Variants in POLR3B observed in about 807,000 individuals in gnomAD.
POLR3B encodes RNA polymerase III subunit B.
In POLR3B, 96 loss-of-function variants were observed where a neutral mutation model predicts 147.4. The observed-to-expected ratio is 0.65, with a 90% CI of 0.55 to 0.77. POLR3B has a LOEUF of 0.77. Ranked by LOEUF, POLR3B falls within the 30% of genes least tolerant of loss-of-function variation. The pLI is 0.00. For synonymous variants in POLR3B, 461 were observed against 485.9 expected (o/e 0.95, Z 0.67); for missense variants, 1,036 against 1,413.5 (o/e 0.73, Z 4.28).
chr12:106,376,591 T>C, intron 7 of POLR3B, 141 bp downstream of exon 7: 1 of 707,458 alleles, frequency 1.4e-6, no homozygotes, highest in Non-Finnish European at 2.5e-6. Flanking sequence ...CAGAAATTTG[T>C]CTCTAGCTTT....
intron 18 of POLR3B, among the ~76,000 whole-genome samples, chr12:106,442,887 C>T (rs1207027465): frequency 6.6e-6 from 1 of 152,124 alleles, no homozygotes; most frequent in Non-Finnish European, 1.5e-5. Context: ...ATTAACACAT[C>T]TGAGTAGCTT....
At chr12:106,464,165 T>C (rs2037975720) in intron 23 of POLR3B, among the ~76,000 whole-genome samples, 1 of 152,204 alleles carries the variant, frequency 6.6e-6, no homozygotes. Context: ...TTTGTGTGTG[T>C]CTTACATCTA....
intron 6 of POLR3B, among the ~76,000 whole-genome samples, chr12:106,372,725 C>T (rs1318367628): frequency 6.6e-6 from 1 of 152,126 alleles, no homozygotes; most frequent in Non-Finnish European, 1.5e-5. Context: ...TCCTGATATA[C>T]GGGATGTGGC....
chr12:106,429,297 G>A (rs979307366), intron 13 of POLR3B, among the ~76,000 whole-genome samples: 1 of 152,040 alleles, frequency 6.6e-6, no homozygotes, highest in Non-Finnish European at 1.5e-5. Flanking sequence ...GCACCACCAC[G>A]CCCAGCTAGT....
chr12:106,463,299 G>A (rs940360959), intron 22 of POLR3B, among the ~76,000 whole-genome samples, 179 bp from the exon 23 acceptor site: 2 of 152,088 alleles, frequency 1.3e-5, no homozygotes, highest in Non-Finnish European at 2.9e-5. Flanking sequence ...GTGTAGCATT[G>A]TAAAAGGGAA....
intron 12 of POLR3B, among the ~76,000 whole-genome samples, chr12:106,425,816 C>A (rs1336751400): frequency 1.3e-5 from 2 of 152,136 alleles, no homozygotes; most frequent in South Asian, 4.1e-4. Flanking sequence ...CCTAACTTTT[C>A]TTTAAAGTTT....
At chr12:106,461,090 A>G (rs73186475) in intron 22 of POLR3B, among the ~76,000 whole-genome samples, 12,960 of 151,946 alleles carry the variant, frequency 0.085, 612 homozygotes, top group Middle Eastern at 0.13. Context: ...TGTTTCATTC[A>G]AGAAATACTT....
chr12:106,359,167 A>G (rs926228151), intron 1 of POLR3B, among the ~76,000 whole-genome samples: 9 of 152,104 alleles, frequency 5.9e-5, no homozygotes, highest in African/African-American at 2.2e-4. Flanking sequence ...GTGAGCCGTA[A>G]TTGTGCTGCT....
At chr12:106,503,112 GA>G (rs765258039) in intron 26 of POLR3B, among the ~76,000 whole-genome samples, 13 of 152,176 alleles carry the variant, frequency 8.5e-5, no homozygotes, top group Non-Finnish European at 1.6e-4. Context: ...TCTACCGGCA[GA>G]TAAAAATGTA....
intron 12 of POLR3B, among the ~76,000 whole-genome samples, chr12:106,417,399 C>T (rs2037318965): frequency 6.6e-6 from 1 of 152,108 alleles, no homozygotes; most frequent in Non-Finnish European, 1.5e-5. Flanking sequence ...CCCTGTGTGC[C>T]ATGGGAAGAG....
intron 9 of POLR3B, among the ~76,000 whole-genome samples, chr12:106,382,636 T>C (rs756667582): frequency 6.6e-6 from 1 of 152,348 alleles, no homozygotes; most frequent in Non-Finnish European, 1.5e-5. Flanking sequence ...GTAATGTTTT[T>C]AAAGGATCTT....
At chr12:106,372,098 C>T (rs2036615302) in intron 6 of POLR3B, among the ~76,000 whole-genome samples, 1 of 152,048 alleles carries the variant, frequency 6.6e-6, no homozygotes, top group Non-Finnish European at 1.5e-5. Flanking sequence ...TATGCATTAC[C>T]TAAATTACAT....
chr12:106,378,508 C>G, intron 8 of POLR3B, 124 bp downstream of exon 8: 1 of 650,596 alleles, frequency 1.5e-6, no homozygotes, highest in Non-Finnish European at 2.8e-6. Flanking sequence ...AATATTTAAG[C>G]TATCTGCATT....
At chr12:106,488,669 A>T (rs1325094387) in intron 23 of POLR3B, among the ~76,000 whole-genome samples, 2 of 152,222 alleles carry the variant, frequency 1.3e-5, no homozygotes, top group East Asian at 3.8e-4. Context: ...AGACATTCAC[A>T]TATGCTGATT....
At chr12:106,450,336 A>G (rs2037779285) in intron 19 of POLR3B, among the ~76,000 whole-genome samples, 1 of 152,334 alleles carries the variant, frequency 6.6e-6, no homozygotes, top group Middle Eastern at 3.4e-3. Context: ...ATTTCCTTAC[A>G]TAAAGAGTAC....
chr12:106,357,856 G>C lies in POLR3B; in HGVS notation c.-24G>C. 1 of 1,611,400 alleles carries C rather than the reference G, an allele frequency of 6.2e-7. No individual in the cohort carries two copies. ...GAAGGCGGGCGCGGAGGTTCTATCT[G>C]TTTCTTCCTCCTTCGTGAGCAGCAT... On this transcript the variant is annotated 5_prime_UTR_variant, in exon 1 of 28. Coordinates refer to ENST00000228347, the MANE Select transcript of POLR3B (RefSeq NM_018082.6).
intron 19 of POLR3B, among the ~76,000 whole-genome samples, chr12:106,447,260 C>G (rs2037736370): frequency 6.6e-6 from 1 of 152,082 alleles, no homozygotes; most frequent in Admixed American, 6.6e-5. Context: ...CTCCCACTCC[C>G]CCTACAAGAG....
chr12:106,397,911 A>G (rs1264194355), intron 10 of POLR3B, among the ~76,000 whole-genome samples: 4 of 152,250 alleles, frequency 2.6e-5, no homozygotes, highest in African/African-American at 9.6e-5. Context: ...TACAGCTACC[A>G]GCGTGAACGA....
At position 106,482,589 on chromosome 12, in the gene POLR3B, G is replaced by A. The variant is rs554138277; in HGVS notation, c.2714-13466G>A. Among the ~76,000 whole-genome samples, 8 of 152,200 alleles carry A rather than the reference G, an allele frequency of 5.3e-5. No homozygotes were observed. The South Asian group carries it at 1.7e-3, about 32-fold the overall frequency. On this transcript the variant is annotated intron_variant, in intron 23 of 27. Transcript: ENST00000228347. ...CACTATCATGAGAACAGCGAGGGGGGAATCCACCTCATGATCCAATCTCCT... is the reference window on the plus strand; with the variant it reads ...CACTATCATGAGAACAGCGAGGGGGAAATCCACCTCATGATCCAATCTCCT...
Sources: allele counts gnomAD v4.1 joint callset (sites outside exome capture counted in the v4.1 genomes callset), GRCh38; gene constraint gnomAD v4.1.1; transcripts MANE v1.5; gene names NCBI Gene and HGNC (gene_info 2026-07-23, HGNC 2026-07-21).